The following RIMS4 variants were observed in gnomAD, a reference collection of about 807,000 sequenced individuals.
The protein encoded by RIMS4 is regulating synaptic membrane exocytosis 4.
RIMS4 carries 9 observed loss-of-function variants against 29.0 expected under a neutral mutation model. That is an observed-to-expected ratio of 0.31 (90% CI 0.19 to 0.54). The LOEUF (loss-of-function observed/expected upper bound fraction) is 0.54. Ranked by LOEUF, RIMS4 falls within the 20% of genes least tolerant of loss-of-function variation. The pLI is 0.94. For missense variants in RIMS4, 193 were observed against 365.7 expected (o/e 0.53, Z 3.85); for synonymous variants, 130 against 152.9 (o/e 0.85, Z 1.10).
chr20:44,805,079 C>T (rs1238036334), intron 1 of RIMS4, among the ~76,000 whole-genome samples: 3 of 151,930 alleles, frequency 2.0e-5, no homozygotes, highest in Admixed American at 6.6e-5. Flanking sequence ...ACGGGAGGAT[C>T]GTTGAGTTCA....
At chr20:44,765,584 G>A (rs1280189731) in intron 2 of RIMS4, among the ~76,000 whole-genome samples, 17 of 152,194 alleles carry the variant, frequency 1.1e-4, no homozygotes, top group Non-Finnish European at 2.2e-4. Context: ...CTTTGGGCAC[G>A]GGAATGCTGC....
intron 2 of RIMS4, among the ~76,000 whole-genome samples, chr20:44,766,200 C>A (rs2066113005): frequency 6.6e-6 from 1 of 152,170 alleles, no homozygotes. Context: ...CCTCAGCTCT[C>A]CTGCCAAGCC....
In RIMS4 at chr20:44,756,634, C is replaced by T. The variant is rs1350347349; in HGVS notation, c.591+264G>A. On this transcript the variant is annotated intron_variant, in intron 5 of 5. Transcript: ENST00000372851. This position sits in a 1 kb window ranked among gnomAD's most constrained non-coding sequence, Gnocchi z 5.9. ...TTTCCTGCACACAGCACACATTCCA[C>T]TGGCACCAGAATGTTATCAGGTAGG... Among the ~76,000 whole-genome samples, 1 of 152,184 alleles carries T rather than the reference C, an allele frequency of 6.6e-6. No individual in the cohort carries two copies. Among genetic ancestry groups the T allele is most frequent in the Non-Finnish European group, 1.5e-5 (1 of 68,040 alleles).
At chr20:44,785,621 T>A (rs1333488711) in intron 1 of RIMS4, among the ~76,000 whole-genome samples, 2 of 152,182 alleles carry the variant, frequency 1.3e-5, no homozygotes, top group Non-Finnish European at 2.9e-5. Context: ...GAGTGAGAAC[T>A]CCTGGGTCTT....
At chr20:44,764,209 T>C (rs185361376) in intron 2 of RIMS4, among the ~76,000 whole-genome samples, 1 of 119,124 alleles carries the variant, frequency 8.4e-6, no homozygotes, top group Non-Finnish European at 1.8e-5. Flanking sequence ...CATCCATCCA[T>C]CCACCCATCC....
intron 1 of RIMS4, among the ~76,000 whole-genome samples, chr20:44,797,712 C>T (rs190640443): frequency 2.9e-4 from 44 of 152,302 alleles, no homozygotes; most frequent in Admixed American, 1.6e-3. Flanking sequence ...ATTTTACAGA[C>T]GAGCCCTAAT....
At chr20:44,775,101 A>C (rs995121915) in intron 1 of RIMS4, among the ~76,000 whole-genome samples, 4 of 152,130 alleles carry the variant, frequency 2.6e-5, no homozygotes, top group African/African-American at 9.7e-5. Context: ...CATCTATTGA[A>C]CACCCTTTTG....
chr20:44,764,453 T>C (rs1040124760), intron 2 of RIMS4, among the ~76,000 whole-genome samples: 1 of 152,188 alleles, frequency 6.6e-6, no homozygotes, highest in African/African-American at 2.4e-5. Flanking sequence ...ATATGTTAAA[T>C]GCTTTAGAAA....
intron 1 of RIMS4, among the ~76,000 whole-genome samples, chr20:44,778,380 G>A (rs1601030522): frequency 6.6e-6 from 1 of 152,312 alleles, no homozygotes; most frequent in East Asian, 1.9e-4. Context: ...AGGCCATGTT[G>A]GTATTAGAAT....
chr20:44,765,651 G>A (rs2066110222), intron 2 of RIMS4, among the ~76,000 whole-genome samples: 1 of 152,202 alleles, frequency 6.6e-6, no homozygotes, highest in African/African-American at 2.4e-5. Flanking sequence ...AGGCTCCTGA[G>A]CCTTTGGTGA....
chr20:44,804,780 C>T (rs992563079), intron 1 of RIMS4, among the ~76,000 whole-genome samples: 1 of 152,102 alleles, frequency 6.6e-6, no homozygotes, highest in Non-Finnish European at 1.5e-5. Context: ...TCCCACCAAA[C>T]AGAACTAGGT....
chr20:44,757,757 C>T lies in RIMS4; in HGVS notation c.364G>A (p.Gly122Ser), dbSNP rs1568893498. The T allele has an allele frequency of 2.5e-6, 4 of 1,613,712 alleles. No homozygotes were observed. The highest frequency in any genetic ancestry group is 3.4e-6 in the Non-Finnish European group (4 of 1,179,896). ...ATTPMGDVEI[G>S]LQERNGQLEV... ...AACTGACCGTTCCGCTCCTGCAGAC[C>T]GATCTCCACATCCCCTGGAAGAGGC... The change falls in exon 4 of 6, where the codon GGT (glycine) becomes AGT (serine). Residue 122 changes from glycine to serine, a missense_variant. Transcript: ENST00000372851.
At chr20:44,794,713 C>A (rs1270927273) in intron 1 of RIMS4, among the ~76,000 whole-genome samples, 4 of 152,222 alleles carry the variant, frequency 2.6e-5, no homozygotes. Context: ...ACCAGACCAG[C>A]CTGGTGCCAC....
chr20:44,796,373 C>A (rs1252351627), intron 1 of RIMS4, among the ~76,000 whole-genome samples: 1 of 152,134 alleles, frequency 6.6e-6, no homozygotes, highest in African/African-American at 2.4e-5. Flanking sequence ...CAGAACACAG[C>A]TTGGCCATGA....
At chr20:44,796,161 C>T (rs915397607) in intron 1 of RIMS4, among the ~76,000 whole-genome samples, 27 of 151,870 alleles carry the variant, frequency 1.8e-4, no homozygotes, top group African/African-American at 6.3e-4. Context: ...TGTCCCCCTC[C>T]CTGTGCCCCC....
At chr20:44,778,957 G>C (rs143194118) in intron 1 of RIMS4, among the ~76,000 whole-genome samples, 82 of 152,280 alleles carry the variant, frequency 5.4e-4, no homozygotes, top group African/African-American at 1.9e-3. Context: ...TGGCCTGCCT[G>C]AGCTTCCCAA....
At chr20:44,758,680 C>G (rs2066071423) in intron 2 of RIMS4, among the ~76,000 whole-genome samples, 1 of 152,204 alleles carries the variant, frequency 6.6e-6, no homozygotes. Context: ...GCCTCCAGCT[C>G]AGCCTGGCCA....
At chr20:44,761,118 G>A (rs747590856) in intron 2 of RIMS4, among the ~76,000 whole-genome samples, 23 of 152,184 alleles carry the variant, frequency 1.5e-4, no homozygotes, top group Non-Finnish European at 2.9e-4. Context: ...CCAGCAAACA[G>A]AGGACACAGC....
At position 44,810,393 on chromosome 20, in the gene RIMS4, G is replaced by C. The variant is rs2066319676; in HGVS notation, c.-122C>G. On this transcript the variant is annotated 5_prime_UTR_variant, in exon 1 of 6. Transcript: ENST00000372851. ...GCGCGGCGTGGTGGCGGCGGCCCGG[G>C]GCCGGGCCGAGGCTCCGCTGCGGGG... is the stretch of plus-strand genomic sequence containing the variant. 6.0e-6 allele frequency: 1 copy of C among 167,530 alleles called. No homozygotes were observed. 10.4% of individuals were successfully genotyped at this position (167,530 alleles called of 1,614,324 possible). A position where few individuals can be genotyped will look rare whatever the true frequency, so the allele number is the denominator to read the frequency against.
Sources: gnomAD v4.1 joint callset for allele counts (sites outside exome capture counted in the v4.1 genomes callset) on GRCh38, gnomAD v4.1.1 for gene constraint, Gnocchi (gnomAD v3.1) non-coding constraint, MANE v1.5 for transcripts, NCBI Gene and HGNC (gene_info 2026-07-23, HGNC 2026-07-21) for gene names.